The following TEK variants were observed in gnomAD, a reference collection of about 807,000 sequenced individuals.
TEK encodes the protein angiopoietin-1 receptor.
TEK carries 43 observed loss-of-function variants against 131.8 expected under a neutral mutation model. The ratio of observed to expected loss-of-function variants is 0.33; its 90% CI spans 0.26 to 0.42. The LOEUF is 0.42. Ranked by LOEUF, TEK falls within the 10% of genes least tolerant of loss-of-function variation. The pLI is 1.00. For synonymous variants in TEK, 580 were observed against 491.6 expected (o/e 1.18, Z -2.38); for missense variants, 1,162 against 1,384.4 (o/e 0.84, Z 2.55).
At chr9:27,123,052 CAAAAAAA>C (rs10700803) in intron 1 of TEK, among the ~76,000 whole-genome samples, 4 of 34,712 alleles carry the variant, frequency 1.2e-4, no homozygotes, top group Non-Finnish European at 1.8e-4. Context: ...GACTCTGTCT[CAAAAAAA>C]AAAAAAAAAA....
At chr9:27,197,912 A>G (rs538758931) in intron 12 of TEK, among the ~76,000 whole-genome samples, 55 of 152,222 alleles carry the variant, frequency 3.6e-4, no homozygotes, top group Non-Finnish European at 6.8e-4. Flanking sequence ...TTGAAGAATT[A>G]TCATATATCT....
rs113441593 is a variant in TEK at position 27,146,855 on chromosome 9, G to A, written c.53-10976G>A. ...CGCCATTCTCCTGCCTCAGCCTCTC[G>A]AGTAGCTGGGACTACAGGTGCCCAC... On this transcript the variant is annotated intron_variant, in intron 1 of 22. Transcript: ENST00000380036. Among the ~76,000 whole-genome samples the A allele has an allele frequency of 7.2e-3, 1,084 of 151,038 alleles. 14 individuals are homozygous for A. The highest frequency in any genetic ancestry group is 0.025 in the African/African-American group (1,028 of 41,050).
At chr9:27,128,735 G>A (rs112085214) in intron 1 of TEK, among the ~76,000 whole-genome samples, 21,301 of 151,934 alleles carry the variant, frequency 0.14, 2,300 homozygotes, top group African/African-American at 0.29. Flanking sequence ...TTCTCTTTGT[G>A]GCAATTGTGA....
In TEK at chr9:27,112,043, G is replaced by A. The variant is rs933729943; in HGVS notation, c.52+2401G>A. 7.2e-5 allele frequency among the ~76,000 whole-genome samples: 11 copies of A among 152,060 alleles called. No homozygotes were observed. The South Asian group carries it at 1.7e-3, about 23-fold the overall frequency. On this transcript the variant is annotated intron_variant, in intron 1 of 22. Transcript: ENST00000380036. ...CTCTCGAGTAGCTGGGACTACAGGC[G>A]TGCGCCACCATGCCTGGCTAATTTG...
intron 6 of TEK, among the ~76,000 whole-genome samples, chr9:27,173,736 G>GT (rs1564076198): frequency 1.3e-5 from 1 of 79,584 alleles, no homozygotes. Flanking sequence ...TTTTTTTTTT[G>GT]GTTTTTTTTT....
chr9:27,164,908 C>T (rs73425189), intron 2 of TEK, among the ~76,000 whole-genome samples: 2,240 of 152,222 alleles, frequency 0.015, 45 homozygotes, highest in African/African-American at 0.05. Context: ...AGGTATTTAT[C>T]GTTTTTATGG....
At chr9:27,194,058 TG>T (rs1418712039) in intron 11 of TEK, among the ~76,000 whole-genome samples, 1 of 152,146 alleles carries the variant, frequency 6.6e-6, no homozygotes, top group African/African-American at 2.4e-5. Flanking sequence ...CCCCCAGCCT[TG>T]GCCTCTCAAA....
intron 8 of TEK, among the ~76,000 whole-genome samples, chr9:27,184,098 G>T (rs920045451): frequency 6.6e-6 from 1 of 152,174 alleles, no homozygotes; most frequent in East Asian, 1.9e-4. Flanking sequence ...GTTTAGGGGA[G>T]CATAGAAGAG....
chr9:27,137,954 C>T (rs541422790), intron 1 of TEK, among the ~76,000 whole-genome samples: 8 of 152,222 alleles, frequency 5.3e-5, no homozygotes, highest in African/African-American at 1.9e-4. Flanking sequence ...TCAGATGTGT[C>T]TGGAGTTTCT....
At chr9:27,213,407 T>C in intron 17 of TEK, 77 bp from the exon 18 acceptor site, 1 of 1,051,578 alleles carries the variant, frequency 9.5e-7, no homozygotes, top group Non-Finnish European at 1.5e-6. Flanking sequence ...ACTATTGTTT[T>C]CTTTCCTGTT....
At chr9:27,109,825 A>G (rs983550530) in intron 1 of TEK, among the ~76,000 whole-genome samples, 183 bp downstream of exon 1, 2 of 152,172 alleles carry the variant, frequency 1.3e-5, no homozygotes, top group Non-Finnish European at 2.9e-5. Flanking sequence ...GCTCTGTGGC[A>G]TGAACTGATT....
chr9:27,177,853 C>G (rs1196004111), intron 6 of TEK, among the ~76,000 whole-genome samples: 1 of 152,144 alleles, frequency 6.6e-6, no homozygotes, highest in African/African-American at 2.4e-5. Context: ...CTTATATATT[C>G]TGGATATTAA....
intron 1 of TEK, among the ~76,000 whole-genome samples, chr9:27,140,277 C>A (rs145759342): frequency 6.6e-6 from 1 of 152,096 alleles, no homozygotes; most frequent in African/African-American, 2.4e-5. Context: ...GTCTCTCATA[C>A]GCTCACCATG....
At chr9:27,191,312 G>A (rs1371647526) in intron 10 of TEK, among the ~76,000 whole-genome samples, 1 of 152,138 alleles carries the variant, frequency 6.6e-6, no homozygotes, top group Non-Finnish European at 1.5e-5. Flanking sequence ...TGAACAAAAT[G>A]TGACAAAATG....
At chr9:27,228,151 G>C (rs767044460) in intron 21 of TEK, 55 bp from the exon 22 acceptor site, 1 of 1,442,722 alleles carries the variant, frequency 6.9e-7, no homozygotes, top group African/African-American at 1.4e-5. Flanking sequence ...TTCCTGCCGT[G>C]CCTAGGACTG....
At chr9:27,116,477 C>T (rs1427833444) in intron 1 of TEK, among the ~76,000 whole-genome samples, 5 of 152,058 alleles carry the variant, frequency 3.3e-5, no homozygotes, top group African/African-American at 4.8e-5. Flanking sequence ...TTAGTAGAGA[C>T]GGGGCTTCAC....
intron 21 of TEK, 120 bp from the exon 22 acceptor site, chr9:27,228,086 T>G (rs1188966741): frequency 1.4e-6 from 1 of 740,622 alleles, no homozygotes; most frequent in East Asian, 2.7e-5. Context: ...CTAGGGGCTG[T>G]ACTTTGGTTA....
At chr9:27,205,312 C>T (rs1310238998) in intron 14 of TEK, among the ~76,000 whole-genome samples, 1 of 152,154 alleles carries the variant, frequency 6.6e-6, no homozygotes, top group Non-Finnish European at 1.5e-5. Flanking sequence ...GAAACTAGGT[C>T]TGCCCCTGCC....
At chr9:27,138,294 C>G (rs938050683) in intron 1 of TEK, among the ~76,000 whole-genome samples, 1 of 152,246 alleles carries the variant, frequency 6.6e-6, no homozygotes, top group Non-Finnish European at 1.5e-5. Context: ...GCCCTGCCCA[C>G]ATCCTGCTGA....
Sources: allele counts gnomAD v4.1 joint callset (sites outside exome capture counted in the v4.1 genomes callset), GRCh38; gene constraint gnomAD v4.1.1; transcripts MANE v1.5; gene names NCBI Gene and HGNC (gene_info 2026-07-23, HGNC 2026-07-21).